The following TMEM204 variants were observed in gnomAD, a reference collection of about 807,000 sequenced individuals.
TMEM204 encodes the protein transmembrane protein 204.
TMEM204 carries 15 observed loss-of-function variants against 19.4 expected under a neutral mutation model. That is an observed-to-expected ratio of 0.77 (90% CI 0.52 to 1.19). The LOEUF (loss-of-function observed/expected upper bound fraction) is 1.19, where lower values mean the gene tolerates loss of function less well. Among genes scored for constraint, TMEM204 ranks in the 50% most tolerant of loss-of-function variants. The pLI, the probability that TMEM204 is intolerant of heterozygous loss-of-function variation, is 0.00. For missense variants in TMEM204, 287 were observed against 321.2 expected, an observed-to-expected ratio of 0.89 and a Z score of 0.81; for synonymous variants, 161 against 146.0, an observed-to-expected ratio of 1.10 and a Z score of -0.74.
chr16:1,543,022 G>A (rs181235670), intron 2 of TMEM204, among the ~76,000 whole-genome samples: 4 of 152,370 alleles, frequency 2.6e-5, no homozygotes, highest in Non-Finnish European at 5.9e-5. Flanking sequence ...GGGCTCTGCT[G>A]GTCTTCTGTG....
upstream of TMEM204, among the ~76,000 whole-genome samples, chr16:1,529,438 C>T (rs111718775): frequency 5.3e-5 from 8 of 152,346 alleles, no homozygotes; most frequent in Non-Finnish European, 8.8e-5. Flanking sequence ...GCTTCCTGGA[C>T]GCTCAGTCGG....
intron 1 of TMEM204, chr16:1,541,187 G>C (rs773039091): frequency 2.0e-6 from 2 of 985,420 alleles, no homozygotes; most frequent in Non-Finnish European, 2.4e-6. Context: ...GAGAAGGCTG[G>C]GCACAGGCCT....
At position 1,553,976 on chromosome 16, in the gene TMEM204, A is replaced by ACGGGAACAAGCTG; in HGVS notation, c.437-803_437-791dup. 2 of 1,287,218 alleles carry ACGGGAACAAGCTG rather than the reference A, an allele frequency of 1.6e-6. No individual in the cohort carries two copies. The highest frequency in any genetic ancestry group is 1.1e-4 in the East Asian group (2 of 18,018). The allele number at this position is 1,287,218 out of a possible 1,614,324, so 79.7% of individuals were successfully genotyped here. A position where few individuals can be genotyped will look rare whatever the true frequency, so the allele number is the denominator to read the frequency against. On this transcript the variant is annotated intron_variant, in intron 2 of 2. Transcript: ENST00000566264. The surrounding 1 kb of genome is among the most constrained non-coding windows in gnomAD (Gnocchi z 4.4). ...AACTGTAGCATCAGCGACTAACTAG[A>ACGGGAACAAGCTG]CGGGAACAAGCTGCGCCAACCAAGG...
At chr16:1,534,625 G>A (rs569286173) in intron 1 of TMEM204, 70 bp downstream of exon 1, 153 of 1,589,100 alleles carry the variant, frequency 9.6e-5, no homozygotes, top group Middle Eastern at 8.4e-4. Flanking sequence ...GATGTTAGGC[G>A]CGGACCTGGT....
chr16:1,554,437 C>T (rs899023761), intron 2 of TMEM204, among the ~76,000 whole-genome samples: 8 of 152,160 alleles, frequency 5.3e-5, no homozygotes, highest in African/African-American at 9.7e-5. Context: ...TCAGTGCTGA[C>T]CTGAAGAAAA....
In TMEM204 at chr16:1,541,902, C is replaced by G. The variant is rs779135537; in HGVS notation, c.281-19C>G. Reference sequence around the variant, plus strand: ...AGCCCACCTGCACTCACCACTGCCTCTCTGCTCTTGGCCCACAGTGCAGTT... The same window carrying G: ...AGCCCACCTGCACTCACCACTGCCTGTCTGCTCTTGGCCCACAGTGCAGTT... On this transcript the variant is annotated intron_variant, in intron 1 of 2. Transcript: ENST00000566264. The G allele has an allele frequency of 5.7e-6, 9 of 1,574,442 alleles. No individual in the cohort carries two copies. Among genetic ancestry groups the G allele is most frequent in the Non-Finnish European group, 7.8e-6 (9 of 1,158,860 alleles).
rs1473007540 is a variant in TMEM204, at chr16:1,534,172, G to T, written c.-104G>T. 12 of 1,466,518 alleles carry T rather than the reference G, an allele frequency of 8.2e-6. No homozygotes were observed. The highest frequency in any genetic ancestry group is 1.1e-5 in the Non-Finnish European group (12 of 1,093,670). 90.8% of individuals were successfully genotyped at this position (1,466,518 alleles called of 1,614,324 possible). ...GCCCGCGCCGCCCCGAGGATGAGTG[G>T]TGATGTCCTCTAGCCACCCCTAGCA... On this transcript the variant is annotated 5_prime_UTR_variant, in exon 1 of 3. Transcript: ENST00000566264.
chr16:1,551,733 G>T lies in TMEM204; in HGVS notation c.437-3049G>T, dbSNP rs553231577. ...TCAGTCTTCTACGGGGTTTTGTTGG[G>T]AGCTACCTATACAAAGGAGGCCACA... On this transcript the variant is annotated intron_variant, in intron 2 of 2. Coordinates refer to ENST00000566264, the MANE Select transcript of TMEM204 (RefSeq NM_024600.6). The surrounding 1 kb of genome is among the most constrained non-coding windows in gnomAD (Gnocchi z 4.0). Among the ~76,000 whole-genome samples, 6 of 152,244 alleles carry T rather than the reference G, an allele frequency of 3.9e-5. No individual in the cohort carries two copies. The South Asian group carries it at 1.2e-3, about 32-fold the overall frequency.
At chr16:1,536,481 C>A (rs1431060238) in intron 1 of TMEM204, among the ~76,000 whole-genome samples, 1 of 152,252 alleles carries the variant, frequency 6.6e-6, no homozygotes, top group Non-Finnish European at 1.5e-5. Context: ...TGTATGGCAT[C>A]TGCAGGTGGC....
chr16:1,541,844 C>T lies in TMEM204; in HGVS notation c.281-77C>T, dbSNP rs1048792859. 6.1e-6 allele frequency: 9 copies of T among 1,471,986 alleles called. No individual in the cohort carries two copies. The Admixed American group carries it at 8.9e-5, about 15-fold the overall frequency. The allele number at this position is 1,471,986 out of a possible 1,614,324, so 91.2% of individuals were successfully genotyped here. ...CCCTTTCCGAGGCAAACAGAGACCACGAAAGTGGCGTGACGGCTGGCGTGG... is the reference window on the plus strand; with the variant it reads ...CCCTTTCCGAGGCAAACAGAGACCATGAAAGTGGCGTGACGGCTGGCGTGG... On this transcript the variant is annotated intron_variant, in intron 1 of 2. Coordinates refer to ENST00000566264, the MANE Select transcript of TMEM204 (RefSeq NM_024600.6).
In TMEM204 at chr16:1,555,255, C is replaced by T. The variant is rs546608216; in HGVS notation, c.*229C>T. ...TTCTGCCTCCAGCTTTCCTGGTTAG[C>T]GCAACGCGGCTCCACGACCACACGC... On this transcript the variant is annotated 3_prime_UTR_variant, in exon 3 of 3. Coordinates refer to ENST00000566264, the MANE Select transcript of TMEM204 (RefSeq NM_024600.6). 7.2e-6 allele frequency: 4 copies of T among 554,994 alleles called. No individual in the cohort carries two copies. The highest frequency in any genetic ancestry group is 4.4e-5 in the South Asian group (2 of 45,150). 34.4% of individuals were successfully genotyped at this position (554,994 alleles called of 1,614,324 possible).
At chr16:1,545,234 G>C (rs965468188) in intron 2 of TMEM204, among the ~76,000 whole-genome samples, 1 of 152,116 alleles carries the variant, frequency 6.6e-6, no homozygotes, top group Admixed American at 6.5e-5. Context: ...GCTCCAACAC[G>C]ACCTCTGACA....
upstream of TMEM204, among the ~76,000 whole-genome samples, chr16:1,530,049 C>T (rs567412638): frequency 2.6e-4 from 39 of 150,564 alleles, 1 homozygote; most frequent in Admixed American, 5.3e-4. Context: ...GTGCGTGAGG[C>T]GTGATGGCCG....
chr16:1,541,983 C>A lies in TMEM204; in HGVS notation c.343C>A (p.Leu115Ile). Residue 115 changes from leucine to isoleucine, a missense_variant, in exon 2 of 3, where the codon CTC becomes ATC. Transcript: ENST00000566264. The part of the protein sequence containing the change: ...VATAALTAGQ[L>I]TFLLGLVGLP... Reference sequence around the variant, plus strand: ...CACGGCCGCGCTCACCGCAGGCCAGCTCACCTTCCTCCTGGGGCTGGTGGG... The same window carrying A: ...CACGGCCGCGCTCACCGCAGGCCAGATCACCTTCCTCCTGGGGCTGGTGGG... 1 of 1,611,204 alleles carries A rather than the reference C, an allele frequency of 6.2e-7. No homozygotes were observed. Among genetic ancestry groups the A allele is most frequent in the Non-Finnish European group, 8.5e-7 (1 of 1,179,678 alleles).
intron 2 of TMEM204, chr16:1,554,248 G>T: frequency 1.6e-6 from 1 of 612,382 alleles, no homozygotes; most frequent in Non-Finnish European, 2.4e-6. Flanking sequence ...CAAGAAAACT[G>T]TCAGAAGCAT....
chr16:1,548,447 G>A (rs1312752917), intron 2 of TMEM204, among the ~76,000 whole-genome samples: 4 of 152,320 alleles, frequency 2.6e-5, no homozygotes, highest in Middle Eastern at 3.4e-3. Flanking sequence ...CTGTCCGGGC[G>A]GCTCACAGGA....
chr16:1,534,588 G>T, intron 1 of TMEM204, 33 bp downstream of exon 1: 1 of 1,598,612 alleles, frequency 6.3e-7, no homozygotes, highest in Non-Finnish European at 8.5e-7. Context: ...TGCCTTCAGC[G>T]TGGCCGAGGC....
upstream of TMEM204, among the ~76,000 whole-genome samples, chr16:1,529,739 C>T (rs1382872622): frequency 3.3e-5 from 5 of 152,208 alleles, no homozygotes; most frequent in Admixed American, 3.3e-4. Flanking sequence ...TAAAAATCCA[C>T]GTGGAAGGAC....
intron 1 of TMEM204, chr16:1,540,958 G>C: frequency 1.0e-6 from 1 of 985,398 alleles, no homozygotes; most frequent in Non-Finnish European, 1.2e-6. Context: ...AGGGGCCTGG[G>C]AACACACTGC....
Sources: allele counts gnomAD v4.1 joint callset (sites outside exome capture counted in the v4.1 genomes callset), GRCh38; gene constraint gnomAD v4.1.1; non-coding constraint Gnocchi (gnomAD v3.1); transcripts MANE v1.5; gene names NCBI Gene and HGNC (gene_info 2026-07-23, HGNC 2026-07-21).